BAZ1B: variants seen among roughly 807,000 people sequenced by gnomAD.
BAZ1B encodes bromodomain adjacent to zinc finger domain 1B.
Under a neutral mutation model 153.8 loss-of-function variants are expected in BAZ1B, and 22 were observed. That is an observed-to-expected ratio of 0.14 (90% CI 0.10 to 0.20). The LOEUF (loss-of-function observed/expected upper bound fraction) is 0.20. Among genes scored for constraint, BAZ1B ranks in the 10% least tolerant of loss-of-function variants. The pLI, the probability that BAZ1B is intolerant of heterozygous loss-of-function variation, is 1.00. For missense variants in BAZ1B, 1,325 were observed against 1,799.3 expected (o/e 0.74, Z 4.77); for synonymous variants, 676 against 633.4 (o/e 1.07, Z -1.01).
chr7:73,493,995 A>G (rs1190664117), intron 4 of BAZ1B, among the ~76,000 whole-genome samples: 2 of 152,228 alleles, frequency 1.3e-5, no homozygotes, highest in Non-Finnish European at 2.9e-5. Context: ...GGCCTTGTAT[A>G]CCATTTAAAG....
At chr7:73,497,707 AG>A (rs1183542023) in intron 4 of BAZ1B, among the ~76,000 whole-genome samples, 1 of 116,216 alleles carries the variant, frequency 8.6e-6, no homozygotes, top group Non-Finnish European at 1.9e-5. Flanking sequence ...CATAAAAAAA[AG>A]AAAAAGAAAA....
intron 13 of BAZ1B, among the ~76,000 whole-genome samples, chr7:73,454,040 T>C (rs1262492882): frequency 1.3e-5 from 2 of 152,030 alleles, no homozygotes; most frequent in African/African-American, 4.8e-5. Flanking sequence ...GGCTCACGCC[T>C]ATAATCCCAG....
chr7:73,479,312 C>G (rs985675995), intron 6 of BAZ1B, among the ~76,000 whole-genome samples: 26 of 152,000 alleles, frequency 1.7e-4, no homozygotes, highest in African/African-American at 6.0e-4. Flanking sequence ...AGTTGGAGAC[C>G]AGCCTGGCCA....
At chr7:73,443,880 A>AG in intron 17 of BAZ1B, 104 bp downstream of exon 17, 1 of 1,546,708 alleles carries the variant, frequency 6.5e-7, no homozygotes. Flanking sequence ...AAGAAGGAGG[A>AG]GGGGGGAGGC....
In BAZ1B at chr7:73,442,245, C is replaced by A; in HGVS notation, c.4403G>T (p.Ser1468Ile). The A allele has an allele frequency of 6.2e-7, 1 of 1,612,620 alleles. No homozygotes were observed. The highest frequency in any genetic ancestry group is 8.5e-7 in the Non-Finnish European group (1 of 1,179,180). ...PDRLAEDEGDSEPEAVGQSRG... is the reference protein window; with the variant it reads ...PDRLAEDEGDIEPEAVGQSRG... Reference sequence around the variant, plus strand: ...GGACTGTCCAACGGCCTCTGGCTCACTGTCCCCTTCATCTTCAGCAAGCCT... The same window carrying A: ...GGACTGTCCAACGGCCTCTGGCTCAATGTCCCCTTCATCTTCAGCAAGCCT... Residue 1468 changes from serine (S) to isoleucine (I), a missense_variant, in exon 19 of 20, where the codon AGT (serine) becomes ATT (isoleucine). Physicochemically the swap from Ser to Ile is moderately radical, Grantham distance 142 (BLOSUM62 -2). This residue lies in a region of BAZ1B where 271 missense variants were observed against 337.2 expected (regional missense o/e 0.80). Coordinates refer to ENST00000339594, the MANE Select transcript of BAZ1B (RefSeq NM_032408.4).
intron 7 of BAZ1B, among the ~76,000 whole-genome samples, chr7:73,471,796 AAC>A (rs1295810867): frequency 2.0e-5 from 3 of 152,148 alleles, no homozygotes; most frequent in African/African-American, 7.2e-5. Context: ...ACCTTTGATA[AAC>A]AGTTTTCTAG....
At chr7:73,498,327 C>T (rs1219389725) in intron 4 of BAZ1B, among the ~76,000 whole-genome samples, 170 bp downstream of exon 4, 1 of 152,144 alleles carries the variant, frequency 6.6e-6, no homozygotes, top group African/African-American at 2.4e-5. Context: ...TAGGGATATT[C>T]AAGTGTTTCA....
chr7:73,451,653 T>C (rs1277730202), intron 13 of BAZ1B, among the ~76,000 whole-genome samples: 1 of 152,204 alleles, frequency 6.6e-6, no homozygotes, highest in South Asian at 2.1e-4. Flanking sequence ...TAAACACACA[T>C]ACAAAAATCT....
chr7:73,453,743 G>C (rs1583889757), intron 13 of BAZ1B, among the ~76,000 whole-genome samples: 2 of 152,322 alleles, frequency 1.3e-5, no homozygotes, highest in South Asian at 4.1e-4. Flanking sequence ...CTAGCACTCT[G>C]GGAGGCCAAG....
chr7:73,494,109 C>G (rs1302281146), intron 4 of BAZ1B, among the ~76,000 whole-genome samples: 2 of 151,722 alleles, frequency 1.3e-5, no homozygotes, highest in African/African-American at 4.8e-5. Context: ...GGGCCCATCA[C>G]AGTGGCTCGT....
chr7:73,510,244 A>T (rs1182925501), intron 2 of BAZ1B, among the ~76,000 whole-genome samples: 1 of 152,152 alleles, frequency 6.6e-6, no homozygotes, highest in African/African-American at 2.4e-5. Context: ...CCTGGCTAAC[A>T]TAGTGAAACC....
intron 9 of BAZ1B, among the ~76,000 whole-genome samples, chr7:73,466,676 T>C (rs1329380812): frequency 1.3e-5 from 2 of 152,188 alleles, no homozygotes; most frequent in Non-Finnish European, 2.9e-5. Context: ...TGACTAAATA[T>C]CTTTATATCA....
chr7:73,522,145 C>G lies in BAZ1B; in HGVS notation c.-212G>C, dbSNP rs1791087226. 2 of 400,166 alleles carry G rather than the reference C, an allele frequency of 5.0e-6. No individual in the cohort carries two copies. The highest frequency in any genetic ancestry group is 8.9e-5 in the Admixed American group (2 of 22,578). 24.8% of individuals were successfully genotyped at this position (400,166 alleles called of 1,614,324 possible). On this transcript the variant is annotated 5_prime_UTR_variant, in exon 1 of 20. Coordinates refer to ENST00000339594, the MANE Select transcript of BAZ1B (RefSeq NM_032408.4). Reference sequence around the variant, plus strand: ...CCACGGCGCAGAGCTCCCGCGCACACCGCCGCGCCTCCCAGCAGCCCCCCG... The same window carrying G: ...CCACGGCGCAGAGCTCCCGCGCACAGCGCCGCGCCTCCCAGCAGCCCCCCG...
intron 13 of BAZ1B, among the ~76,000 whole-genome samples, chr7:73,456,505 C>A (rs1402540239): frequency 3.3e-5 from 5 of 152,116 alleles, no homozygotes. Flanking sequence ...ATATATATTT[C>A]TCCAAATAAG....
intron 6 of BAZ1B, among the ~76,000 whole-genome samples, chr7:73,479,188 C>T (rs1445350434): frequency 1.3e-5 from 2 of 152,022 alleles, no homozygotes; most frequent in Non-Finnish European, 2.9e-5. Flanking sequence ...GCCTCAAACT[C>T]CCCTTTGTCC....
At chr7:73,459,004 A>T (rs1394827932) in intron 13 of BAZ1B, among the ~76,000 whole-genome samples, 2 of 152,016 alleles carry the variant, frequency 1.3e-5, no homozygotes, top group African/African-American at 4.8e-5. Context: ...ATCCCAGCAC[A>T]TTGGGAGGCC....
intron 1 of BAZ1B, among the ~76,000 whole-genome samples, chr7:73,521,491 T>G (rs1791039362): frequency 6.6e-6 from 1 of 152,132 alleles, no homozygotes; most frequent in African/African-American, 2.4e-5. Context: ...CGCCTCCTCC[T>G]CCCTCTCGGG....
At chr7:73,454,447 T>C (rs1435734808) in intron 13 of BAZ1B, among the ~76,000 whole-genome samples, 6 of 152,198 alleles carry the variant, frequency 3.9e-5, no homozygotes, top group African/African-American at 1.4e-4. Flanking sequence ...CCACCCTGCT[T>C]ACCTCTTATC....
At chr7:73,503,966 C>T (rs1790234874) in intron 3 of BAZ1B, among the ~76,000 whole-genome samples, 1 of 152,168 alleles carries the variant, frequency 6.6e-6, no homozygotes, top group Non-Finnish European at 1.5e-5. Flanking sequence ...TACCATAGTA[C>T]TCTTCAACAA....
Sources: allele counts gnomAD v4.1 joint callset (sites outside exome capture counted in the v4.1 genomes callset), GRCh38; gene constraint gnomAD v4.1.1; regional missense constraint gnomAD v4.1.1; transcripts MANE v1.5; gene names NCBI Gene and HGNC (gene_info 2026-07-23, HGNC 2026-07-21).